GGCT: variants seen among roughly 807,000 people sequenced by gnomAD.
GGCT encodes the protein gamma-glutamylcyclotransferase, also known as cytochrome c-releasing factor 21.
GGCT carries 20 observed loss-of-function variants against 22.1 expected under a neutral mutation model. The observed-to-expected ratio is 0.91, with a 90% CI of 0.64 to 1.32. GGCT has a LOEUF of 1.32. GGCT is among the 40% of genes most tolerant of loss of function. The probability of loss-of-function intolerance (pLI) is 0.00; values close to 1 mark genes in which losing one functional copy is unlikely to be tolerated. For synonymous variants in GGCT, 72 were observed against 78.4 expected (o/e 0.92, Z 0.43); for missense variants, 209 against 223.5 (o/e 0.94, Z 0.41).
chr7:30,504,501 G>C, intron 1 of GGCT, 68 bp downstream of exon 1: 1 of 1,570,724 alleles, frequency 6.4e-7, no homozygotes, highest in Non-Finnish European at 8.7e-7. Flanking sequence ...TCGGCCACGT[G>C]TGCCCCCGAG....
chr7:30,503,508 G>A (rs1364113766), intron 1 of GGCT, among the ~76,000 whole-genome samples: 1 of 152,204 alleles, frequency 6.6e-6, no homozygotes, highest in Non-Finnish European at 1.5e-5. Flanking sequence ...CAAGACAGCA[G>A]GGACTCCAGA....
chr7:30,497,741 C>G, intron 3 of GGCT: 1 of 1,397,094 alleles, frequency 7.2e-7, no homozygotes, highest in South Asian at 1.8e-5. Context: ...ACCAGATTAC[C>G]TATTACAGGT....
rs1789536118 is a variant in GGCT, at chr7:30,496,630, A to G, written c.*462T>C. ...TAGTAGAGACAACAGGTTAAACCACAAATACGTTTATTCCTCTAAAAACAG... is the reference window on the plus strand; with the variant it reads ...TAGTAGAGACAACAGGTTAAACCACGAATACGTTTATTCCTCTAAAAACAG... On this transcript the variant is annotated 3_prime_UTR_variant, in exon 4 of 4. Transcript: ENST00000275428. 6.6e-6 allele frequency: 1 copy of G among 152,598 alleles called. No individual in the cohort carries two copies. Among genetic ancestry groups the G allele is most frequent in the Non-Finnish European group, 1.5e-5 (1 of 68,316 alleles). 9.5% of individuals were successfully genotyped at this position (152,598 alleles called of 1,614,324 possible). A position where few individuals can be genotyped will look rare whatever the true frequency, so the allele number is the denominator to read the frequency against.
chr7:30,502,471 C>G (rs1373958807), intron 1 of GGCT, among the ~76,000 whole-genome samples: 1 of 152,200 alleles, frequency 6.6e-6, no homozygotes, highest in East Asian at 1.9e-4. Context: ...GATCTCTCTT[C>G]TGAGCTTCAG....
rs533157184 is a variant in GGCT, at chr7:30,499,726, T to C, written c.288-788A>G. The stretch of plus-strand genomic sequence containing the variant: ...AGACTCCGTTACAAAAAAAAAAAAG[T>C]AAGCTTAGCTTAGCATTTCAATTAG... On this transcript the variant is annotated intron_variant, in intron 2 of 3. Transcript: ENST00000275428. Among the ~76,000 whole-genome samples, 6 of 151,884 alleles carry C rather than the reference T, an allele frequency of 4.0e-5. No homozygotes were observed. In the South Asian group the frequency reaches 1.2e-3, roughly 32 times the overall value.
intron 3 of GGCT, chr7:30,497,546 T>A (rs990304322): frequency 3.2e-5 from 12 of 373,276 alleles, no homozygotes; most frequent in Non-Finnish European, 4.7e-5. Flanking sequence ...AGAAAAAAAA[T>A]ACCATTCTTC....
At chr7:30,497,788 G>C in intron 3 of GGCT, 1 of 1,466,242 alleles carries the variant, frequency 6.8e-7, no homozygotes, top group Non-Finnish European at 9.1e-7. Context: ...AGAGAGCTAA[G>C]CTTAGGTTCT....
chr7:30,499,669 G>A (rs896660751), intron 2 of GGCT, among the ~76,000 whole-genome samples: 2 of 151,428 alleles, frequency 1.3e-5, no homozygotes, highest in Non-Finnish European at 2.9e-5. Context: ...CCGAGATCAC[G>A]CCATTGCACT....
Position 30,500,770 on chromosome 7 carries a change from T to C in GGCT, c.142-89A>G, listed in dbSNP as rs1411190575. On this transcript the variant is annotated intron_variant, in intron 1 of 3. Coordinates refer to ENST00000275428, the MANE Select transcript of GGCT (RefSeq NM_024051.4). ...TAAAAAGGATTTACCTTGAACTCCA[T>C]GCAATTAAAACAGTCAATAAACTGA... 8.4e-6 allele frequency: 9 copies of C among 1,074,904 alleles called. No individual in the cohort carries two copies. In the East Asian group the frequency reaches 1.9e-4, roughly 23 times the overall value. 66.6% of individuals were successfully genotyped at this position (1,074,904 alleles called of 1,614,324 possible). A position where few individuals can be genotyped will look rare whatever the true frequency, so the allele number is the denominator to read the frequency against.
chr7:30,503,781 C>CTTTTTT (rs58105855), intron 1 of GGCT, among the ~76,000 whole-genome samples: 3 of 68,558 alleles, frequency 4.4e-5, no homozygotes, highest in African/African-American at 6.4e-5. Flanking sequence ...TCAACACATT[C>CTTTTTT]TTTTTTTTTT....
At chr7:30,497,849 G>C in intron 3 of GGCT, 1 of 1,449,866 alleles carries the variant, frequency 6.9e-7, no homozygotes, top group Non-Finnish European at 9.2e-7. Context: ...GTGCTTGCAA[G>C]GGTGATTTCC....
At chr7:30,497,827 C>T in intron 3 of GGCT, 2 of 1,454,516 alleles carry the variant, frequency 1.4e-6, no homozygotes, top group Non-Finnish European at 1.8e-6. Flanking sequence ...CTCTATCCCA[C>T]ATTCTTGTCT....
rs764519982 is a variant in GGCT, at chr7:30,498,994, T to C, written c.288-56A>G. 3.9e-6 allele frequency: 6 copies of C among 1,539,166 alleles called. 1 individual carries two copies. In the South Asian group the frequency reaches 5.6e-5, roughly 14 times the overall value. ...ATTTGACCTAGCCAATTTAGCTCAC[T>C]GGGTAAGGTCTTTTTATAATAGTCA... On this transcript the variant is annotated intron_variant, in intron 2 of 3. Transcript: ENST00000275428.
intron 3 of GGCT, among the ~76,000 whole-genome samples, chr7:30,498,058 T>C (rs1009462690): frequency 6.8e-6 from 1 of 146,926 alleles, no homozygotes; most frequent in African/African-American, 2.5e-5. Flanking sequence ...TATACATATA[T>C]GTATATATAT....
chr7:30,504,387 C>T (rs569489726), intron 1 of GGCT, among the ~76,000 whole-genome samples, 182 bp downstream of exon 1: 5 of 152,238 alleles, frequency 3.3e-5, no homozygotes, highest in African/African-American at 1.2e-4. Flanking sequence ...CACCGTGGCC[C>T]GGGCAGGGCC....
chr7:30,504,419 A>C (rs1189279542), intron 1 of GGCT, 150 bp downstream of exon 1: 2 of 856,512 alleles, frequency 2.3e-6, no homozygotes, highest in East Asian at 2.7e-5. Flanking sequence ...GCAGCGGAGG[A>C]GGTGGACCCG....
At chr7:30,497,955 A>C (rs1340010681) in intron 3 of GGCT, 3 of 865,634 alleles carry the variant, frequency 3.5e-6, no homozygotes, top group Non-Finnish European at 4.9e-6. Context: ...ATAAAAATGA[A>C]TCTTGGTATT....
In GGCT at chr7:30,497,022, C is replaced by G; in HGVS notation, c.*70G>C. ...GATCAAACGTGGAGATCCCCCAGATCCCTGTTCTCAAGTGTTAAAAATATT... is the reference window on the plus strand; with the variant it reads ...GATCAAACGTGGAGATCCCCCAGATGCCTGTTCTCAAGTGTTAAAAATATT... On this transcript the variant is annotated 3_prime_UTR_variant, in exon 4 of 4. Coordinates refer to ENST00000275428, the MANE Select transcript of GGCT (RefSeq NM_024051.4). The G allele has an allele frequency of 1.0e-6, 1 of 1,002,558 alleles. No homozygotes were observed. Among genetic ancestry groups the G allele is most frequent in the Non-Finnish European group, 1.5e-6 (1 of 684,272 alleles). The allele number at this position is 1,002,558 out of a possible 1,614,324, so 62.1% of individuals were successfully genotyped here.
intron 3 of GGCT, 59 bp from the exon 4 acceptor site, chr7:30,497,294 C>T (rs1044661458): frequency 1.2e-4 from 156 of 1,275,716 alleles, no homozygotes; most frequent in East Asian, 3.3e-4. Flanking sequence ...TATAATTTAA[C>T]GTACCATACC....
Sources: gnomAD v4.1 joint callset for allele counts (sites outside exome capture counted in the v4.1 genomes callset) on GRCh38, gnomAD v4.1.1 for gene constraint, MANE v1.5 for transcripts, NCBI Gene and HGNC (gene_info 2026-07-23, HGNC 2026-07-21) for gene names.